FRMD3: variants seen among roughly 807,000 people sequenced by gnomAD.
FRMD3 encodes FERM domain-containing protein 3.
FRMD3 carries 33 observed loss-of-function variants against 70.2 expected under a neutral mutation model. The observed-to-expected ratio is 0.47, with a 90% CI of 0.36 to 0.63. The LOEUF is 0.63. Ranked by LOEUF, FRMD3 falls within the 20% of genes least tolerant of loss-of-function variation. FRMD3 has a pLI of 0.00. For synonymous variants in FRMD3, 279 were observed against 255.9 expected (o/e 1.09, Z -0.86); for missense variants, 632 against 711.4 (o/e 0.89, Z 1.27).
intron 6 of FRMD3, among the ~76,000 whole-genome samples, 185 bp from the exon 7 acceptor site, chr9:83,313,932 T>C (rs981270209): frequency 3.3e-5 from 5 of 152,220 alleles, no homozygotes; most frequent in Non-Finnish European, 2.9e-5. Flanking sequence ...AACCCGAGCT[T>C]GTGTTCTCTA....
chr9:83,529,831 T>C (rs1215236641), intron 1 of FRMD3, among the ~76,000 whole-genome samples: 1 of 152,124 alleles, frequency 6.6e-6, no homozygotes, highest in African/African-American at 2.4e-5. Flanking sequence ...GGGCAAAGGA[T>C]CTAAATGGGC....
At chr9:83,535,401 A>G (rs1829870820) in intron 1 of FRMD3, among the ~76,000 whole-genome samples, 1 of 152,120 alleles carries the variant, frequency 6.6e-6, no homozygotes, top group African/African-American at 2.4e-5. Flanking sequence ...ATGAGCTCCC[A>G]AGGATGTGTG....
chr9:83,448,416 T>C (rs1038242051), intron 1 of FRMD3, among the ~76,000 whole-genome samples: 1 of 152,056 alleles, frequency 6.6e-6, no homozygotes, highest in Non-Finnish European at 1.5e-5. Context: ...TGAGGTTGAA[T>C]ATAGTTCCGT....
At chr9:83,360,029 G>C (rs1237269137) in intron 3 of FRMD3, among the ~76,000 whole-genome samples, 3 of 152,214 alleles carry the variant, frequency 2.0e-5, no homozygotes, top group Non-Finnish European at 4.4e-5. Flanking sequence ...ATCTCTCAGG[G>C]AGGAGTGAGG....
intron 6 of FRMD3, among the ~76,000 whole-genome samples, chr9:83,315,025 A>G (rs1835509559): frequency 6.6e-6 from 1 of 151,986 alleles, no homozygotes. Flanking sequence ...TCAGCTGTGC[A>G]CATTCTGCTG....
rs1832060464 is a variant in FRMD3 at position 83,245,694 on chromosome 9, C to T, written c.*2224G>A. 1.0e-6 allele frequency: 1 copy of T among 968,800 alleles called. No homozygotes were observed. Among genetic ancestry groups the T allele is most frequent in the Non-Finnish European group, 1.2e-6 (1 of 815,268 alleles). The allele number at this position is 968,800 out of a possible 1,614,324, so 60.0% of individuals were successfully genotyped here. ...AATATTATTTTGAAAGACTGAGGGC[C>T]AGATGATTTGTCATAGTCAGAACTT... On this transcript the variant is annotated 3_prime_UTR_variant, in exon 14 of 14. Coordinates refer to ENST00000304195, the MANE Select transcript of FRMD3 (RefSeq NM_174938.6).
chr9:83,334,166 C>T (rs1823496578), intron 6 of FRMD3, among the ~76,000 whole-genome samples: 1 of 152,054 alleles, frequency 6.6e-6, no homozygotes, highest in Non-Finnish European at 1.5e-5. Flanking sequence ...ACAAAAATAT[C>T]GAACTTTATT....
chr9:83,277,116 C>T (rs1213734971), intron 13 of FRMD3, among the ~76,000 whole-genome samples: 1 of 152,018 alleles, frequency 6.6e-6, no homozygotes, highest in African/African-American at 2.4e-5. Flanking sequence ...AATATTTTTG[C>T]ATATTTATGT....
chr9:83,370,750 A>G (rs1824945385), intron 3 of FRMD3, among the ~76,000 whole-genome samples: 1 of 152,140 alleles, frequency 6.6e-6, no homozygotes, highest in South Asian at 2.1e-4. Flanking sequence ...GGTCTCTACT[A>G]AAAATACAAA....
rs925672782 is a variant in FRMD3 at position 83,456,316 on chromosome 9, A to G, written c.148-66608T>C. ...ATGCTTGATTTAGCCTATTTCGTTT[A>G]TGGAGAGGTTGTTTTCAAATCATTT... is the stretch of plus-strand genomic sequence containing the variant. On this transcript the variant is annotated intron_variant, in intron 1 of 13. Coordinates refer to ENST00000304195, the MANE Select transcript of FRMD3 (RefSeq NM_174938.6). 1.3e-5 allele frequency among the ~76,000 whole-genome samples: 2 copies of G among 152,240 alleles called. 1 individual carries two copies. Among genetic ancestry groups the G allele is most frequent in the Non-Finnish European group, 2.9e-5 (2 of 68,018 alleles).
chr9:83,255,053 C>T (rs899679526), intron 13 of FRMD3, among the ~76,000 whole-genome samples: 3 of 152,098 alleles, frequency 2.0e-5, no homozygotes, highest in Non-Finnish European at 4.4e-5. Flanking sequence ...CATCCTATAC[C>T]GAAACCTGGC....
intron 5 of FRMD3, among the ~76,000 whole-genome samples, chr9:83,340,759 C>A (rs4877755): frequency 0.22 from 33,084 of 152,130 alleles, 3,906 homozygotes; most frequent in Non-Finnish European, 0.26. Flanking sequence ...AGGTGATTGA[C>A]TGGTTTTGTA....
the FRMD3 span, among the ~76,000 whole-genome samples, chr9:83,579,745 G>A: frequency 6.6e-6 from 1 of 151,910 alleles, no homozygotes; most frequent in Non-Finnish European, 1.5e-5. Context: ...TTTGGATATG[G>A]CCCTGAAAGC....
At chr9:83,534,754 T>C (rs968390268) in intron 1 of FRMD3, among the ~76,000 whole-genome samples, 1 of 152,220 alleles carries the variant, frequency 6.6e-6, no homozygotes, top group Non-Finnish European at 1.5e-5. Flanking sequence ...ATACCATGTT[T>C]CTGGGGGGTG....
chr9:83,476,656 G>T (rs145255961), intron 1 of FRMD3, among the ~76,000 whole-genome samples: 1 of 152,154 alleles, frequency 6.6e-6, no homozygotes, highest in Non-Finnish European at 1.5e-5. Context: ...AAAATGTACC[G>T]CAGGAAAGAA....
At chr9:83,328,180 G>GT (rs1836097378) in intron 6 of FRMD3, among the ~76,000 whole-genome samples, 1 of 124,474 alleles carries the variant, frequency 8.0e-6, no homozygotes, top group Non-Finnish European at 1.8e-5. Flanking sequence ...TTCCTTATCT[G>GT]TAAAAAAAAA....
chr9:83,360,244 A>C (rs1284054173), intron 3 of FRMD3, among the ~76,000 whole-genome samples: 1 of 152,236 alleles, frequency 6.6e-6, no homozygotes, highest in Non-Finnish European at 1.5e-5. Context: ...CCTTGGAGTC[A>C]TGTTGATAGG....
At chr9:83,464,578 CA>C (rs1206925207) in intron 1 of FRMD3, among the ~76,000 whole-genome samples, 3 of 152,204 alleles carry the variant, frequency 2.0e-5, no homozygotes, top group African/African-American at 7.2e-5. Context: ...AAACACACCT[CA>C]ATCTGATCGA....
Position 83,415,507 on chromosome 9 carries a change from A to T in FRMD3, c.148-25799T>A, listed in dbSNP as rs1826407780. 6.3e-5 allele frequency among the ~76,000 whole-genome samples: 9 copies of T among 143,296 alleles called. 1 individual carries two copies. In the Admixed American group the frequency reaches 6.5e-4, roughly 10 times the overall value. The allele number at this position is 143,296 out of a possible 152,430, so 94.0% of individuals were successfully genotyped here. ...ACCCAGGCTGGAGTGCAGTGGCGCG[A>T]TCTCGGCTCACTCCAAGTTCCACCT... On this transcript the variant is annotated intron_variant, in intron 1 of 13. Coordinates refer to ENST00000304195, the MANE Select transcript of FRMD3 (RefSeq NM_174938.6).
Sources: gnomAD v4.1 joint callset for allele counts (sites outside exome capture counted in the v4.1 genomes callset) on GRCh38, gnomAD v4.1.1 for gene constraint, MANE v1.5 for transcripts, NCBI Gene and HGNC (gene_info 2026-07-23, HGNC 2026-07-21) for gene names.